Variants in FABP6 observed in about 807,000 individuals in gnomAD.
FABP6 encodes the protein gastrotropin.
FABP6 carries 13 observed loss-of-function variants against 14.9 expected under a neutral mutation model. The observed-to-expected ratio is 0.87, with a 90% CI of 0.57 to 1.39. The LOEUF is 1.39. Ranked by LOEUF, FABP6 falls within the 40% of genes most tolerant of loss-of-function variation. The pLI is 0.00. For missense variants in FABP6, 161 were observed against 167.2 expected, an observed-to-expected ratio of 0.96 and a Z score of 0.20; for synonymous variants, 75 against 63.6, an observed-to-expected ratio of 1.18 and a Z score of -0.85.
rs565037989 is a variant in FABP6 at position 160,205,389 on chromosome 5, C to T, written c.51+6232C>T. On this transcript the variant is annotated intron_variant, in intron 2 of 6. Transcript: ENST00000393980. ...ACATATTTGCATGTTCATACATGTT[C>T]AAAGTCGTGTACACTTATAAACAGA... Among the ~76,000 whole-genome samples the T allele has an allele frequency of 6.3e-4, 93 of 148,682 alleles. 1 individual carries two copies. Among genetic ancestry groups the T allele is most frequent in the Non-Finnish European group, 1.3e-3 (86 of 67,308 alleles).
intron 1 of FABP6, among the ~76,000 whole-genome samples, chr5:160,187,613 A>T (rs1305274491): frequency 1.4e-4 from 21 of 152,094 alleles, no homozygotes; most frequent in Admixed American, 1.2e-3. Flanking sequence ...ACTTGGGGGA[A>T]CAAGGGTGCA....
intron 3 of FABP6, among the ~76,000 whole-genome samples, chr5:160,219,661 C>T (rs1004037986): frequency 7.4e-6 from 1 of 134,976 alleles, no homozygotes; most frequent in African/African-American, 2.9e-5. Context: ...GCCTTGGACA[C>T]TGACCTTGGA....
At chr5:160,228,907 A>G (rs1760307978), upstream of FABP6, among the ~76,000 whole-genome samples, 2 of 151,826 alleles carry the variant, frequency 1.3e-5, no homozygotes, top group Non-Finnish European at 2.9e-5. Flanking sequence ...TTCTCTACAC[A>G]TCCAAGTCCT....
intron 3 of FABP6, among the ~76,000 whole-genome samples, chr5:160,221,506 C>T (rs149982422): frequency 2.6e-4 from 40 of 152,304 alleles, no homozygotes; most frequent in African/African-American, 8.4e-4. Flanking sequence ...CTGTGCCTCA[C>T]CCCCTAAACC....
chr5:160,193,095 C>T (rs1759430976), intron 1 of FABP6, among the ~76,000 whole-genome samples: 1 of 152,172 alleles, frequency 6.6e-6, no homozygotes, highest in South Asian at 2.1e-4. Context: ...AGAATGAAGC[C>T]ACGGACCCTT....
upstream of FABP6, among the ~76,000 whole-genome samples, chr5:160,226,326 G>A (rs1391621615): frequency 1.3e-5 from 2 of 151,916 alleles, no homozygotes; most frequent in East Asian, 3.9e-4. Context: ...ACTTTGGGAG[G>A]CCGAGGCGGG....
chr5:160,213,915 C>A lies in FABP6; in HGVS notation c.135+96C>A, dbSNP rs2113107622. 6.1e-6 allele frequency: 6 copies of A among 990,382 alleles called. No homozygotes were observed. In the South Asian group the frequency reaches 7.9e-5, roughly 13 times the overall value. The allele number at this position is 990,382 out of a possible 1,614,324, so 61.3% of individuals were successfully genotyped here. On this transcript the variant is annotated intron_variant, in intron 3 of 6. Coordinates refer to the FABP6 transcript ENST00000393980. ...CTAGACTTTGTGTCCTATCCCTGGGCTCCTTGAGATCCTTCTGCATTGTTA... is the reference window on the plus strand; with the variant it reads ...CTAGACTTTGTGTCCTATCCCTGGGATCCTTGAGATCCTTCTGCATTGTTA...
At chr5:160,231,251 G>A (rs963196217) in intron 1 of FABP6, among the ~76,000 whole-genome samples, 4 of 152,206 alleles carry the variant, frequency 2.6e-5, no homozygotes, top group African/African-American at 7.2e-5. Context: ...TAACAGCCTC[G>A]TGTTGTGGGA....
intron 3 of FABP6, among the ~76,000 whole-genome samples, chr5:160,216,419 C>T (rs1561749258): frequency 6.6e-6 from 1 of 152,044 alleles, no homozygotes; most frequent in Non-Finnish European, 1.5e-5. Context: ...AGGCACGTGC[C>T]ACCATGCCTG....
chr5:160,194,192 G>T (rs1369023727), intron 1 of FABP6, among the ~76,000 whole-genome samples: 1 of 152,218 alleles, frequency 6.6e-6, no homozygotes, highest in Non-Finnish European at 1.5e-5. Flanking sequence ...TGCTCCCAGT[G>T]CGGGACCCAC....
At chr5:160,236,180 T>C (rs2113150606) in intron 3 of FABP6, among the ~76,000 whole-genome samples, 1 of 152,190 alleles carries the variant, frequency 6.6e-6, no homozygotes, top group East Asian at 1.9e-4. Context: ...CACATCTGGC[T>C]AATTTTTGTA....
chr5:160,210,518 T>C (rs1456850527), intron 2 of FABP6, among the ~76,000 whole-genome samples: 2 of 152,118 alleles, frequency 1.3e-5, no homozygotes, highest in African/African-American at 2.4e-5. Context: ...CACCTTTGGT[T>C]GGCCCTTAAA....
chr5:160,198,278 A>G (rs908223061), intron 1 of FABP6: 2 of 152,350 alleles, frequency 1.3e-5, no homozygotes, highest in Non-Finnish European at 2.9e-5. Context: ...AGAGGAAGGC[A>G]GGAAGAGGAA....
In FABP6 at chr5:160,232,157, C is replaced by G; in HGVS notation, c.127C>G (p.Gln43Glu). Reference protein sequence around the residue: ...RNFKIVTEVQQDGQDFTWSQH... With the variant: ...RNFKIVTEVQEDGQDFTWSQH... ...CTTCAAGATCGTCACGGAGGTGCAG[C>G]AGGATGGGCAGGACTTCACTTGGTC... is the stretch of plus-strand genomic sequence containing the variant. The change falls in exon 2 of 4, where the codon CAG (glutamine) becomes GAG (glutamate). Residue 43 changes from glutamine (Q) to glutamate (E), a missense_variant. By Grantham distance (29) the Gln-to-Glu change is conservative (BLOSUM62 2). Transcript: ENST00000402432. The G allele has an allele frequency of 6.2e-7, 1 of 1,613,974 alleles. No homozygotes were observed. Among genetic ancestry groups the G allele is most frequent in the Non-Finnish European group, 8.5e-7 (1 of 1,179,974 alleles).
upstream of FABP6, among the ~76,000 whole-genome samples, chr5:160,225,108 T>A (rs1373466045): frequency 1.3e-5 from 2 of 151,834 alleles, no homozygotes; most frequent in Admixed American, 1.3e-4. Context: ...TTTTTTTTGT[T>A]TTTTTTGAGA....
chr5:160,234,753 C>A, intron 2 of FABP6, 67 bp from the exon 3 acceptor site: 1 of 1,335,024 alleles, frequency 7.5e-7, no homozygotes, highest in South Asian at 1.4e-5. Flanking sequence ...ACTGCCCGCG[C>A]CACCAGCCCC....
intron 3 of FABP6, among the ~76,000 whole-genome samples, chr5:160,218,863 A>G (rs575893363): frequency 6.7e-6 from 1 of 149,214 alleles, no homozygotes; most frequent in Non-Finnish European, 1.5e-5. Flanking sequence ...GACTCAAGTG[A>G]TCCTCCCACC....
intron 1 of FABP6, among the ~76,000 whole-genome samples, chr5:160,231,085 G>A (rs143170709): frequency 2.6e-4 from 39 of 152,290 alleles, no homozygotes; most frequent in Middle Eastern, 3.4e-3. Context: ...AAGGGGACCC[G>A]TGCCCTCCCT....
intron 3 of FABP6, 21 bp from the exon 4 acceptor site, chr5:160,238,581 CCTCT>C (rs1323322995): frequency 3.1e-6 from 5 of 1,612,840 alleles, no homozygotes; most frequent in Admixed American, 1.7e-5. Context: ...GCACTGACTC[CCTCT>C]GTCCCGGCTG....
Sources: gnomAD v4.1 joint callset for allele counts (sites outside exome capture counted in the v4.1 genomes callset) on GRCh38, gnomAD v4.1.1 for gene constraint, MANE v1.5 for transcripts, NCBI Gene and HGNC (gene_info 2026-07-23, HGNC 2026-07-21) for gene names.